Variants in GARIN5B observed in about 807,000 individuals in gnomAD.
GARIN5B encodes the protein golgi associated RAB2 interactor family member 5B.
the GARIN5B span, chr19:55,362,595 G>T: frequency 6.5e-7 from 1 of 1,544,586 alleles, no homozygotes; most frequent in Non-Finnish European, 8.7e-7. Context: ...GCACGAGGCC[G>T]GAGCAGTCCC....
chr19:55,361,551 T>A, the GARIN5B span: 10 of 1,100,992 alleles, frequency 9.1e-6, no homozygotes, highest in Non-Finnish European at 6.2e-6. Context: ...TCCTCCTGCC[T>A]CAGACCCAGG....
At chr19:55,358,184 T>C in the GARIN5B span, 1 of 1,527,634 alleles carries the variant, frequency 6.5e-7, no homozygotes, top group African/African-American at 1.4e-5. Context: ...CTCCTGTATC[T>C]CCTCTGCCTT....
the GARIN5B span, chr19:55,359,119 T>C: frequency 5.6e-4 from 865 of 1,551,272 alleles, 19 homozygotes; most frequent in South Asian, 8.8e-3. Flanking sequence ...CCGGTTTCCC[T>C]CCAGACTGGC....
At chr19:55,357,124 C>G in the GARIN5B span, among the ~76,000 whole-genome samples, 4 of 152,180 alleles carry the variant, frequency 2.6e-5, no homozygotes, top group Non-Finnish European at 5.9e-5. Context: ...TTCCTCCACA[C>G]TAGACCCCTG....
chr19:55,361,393 C>T, the GARIN5B span: 1 of 1,531,700 alleles, frequency 6.5e-7, no homozygotes, highest in Non-Finnish European at 8.8e-7. Context: ...TCCTGACAAA[C>T]AGCAGGGCCT....
At chr19:55,362,580 G>A in the GARIN5B span, 1 of 1,540,028 alleles carries the variant, frequency 6.5e-7, no homozygotes, top group Non-Finnish European at 8.8e-7. Flanking sequence ...TGCGGCACCT[G>A]GTCAGCACGA....
chr19:55,358,904 G>T, the GARIN5B span: 2 of 1,550,846 alleles, frequency 1.3e-6, no homozygotes, highest in Non-Finnish European at 1.7e-6. Context: ...CAGGTCCGGG[G>T]ACCTCTCTTC....
the GARIN5B span, chr19:55,359,862 C>T: frequency 1.5e-5 from 23 of 1,551,512 alleles, no homozygotes; most frequent in Non-Finnish European, 2.0e-5. Context: ...AGGCACGGGT[C>T]CAGGGAGCTG....
chr19:55,363,181 C>T, the GARIN5B span: 74 of 1,115,564 alleles, frequency 6.6e-5, no homozygotes, highest in Admixed American at 2.6e-4. The surrounding 1 kb of genome is among the most constrained non-coding windows in gnomAD (Gnocchi z 4.0). Context: ...TGGAGCTCAG[C>T]GTTACAGAGC....
chr19:55,362,172 G>A, the GARIN5B span: 9 of 1,437,304 alleles, frequency 6.3e-6, no homozygotes, highest in Non-Finnish European at 8.2e-6. Context: ...GCTCTTGGTC[G>A]CAGTCCCCTC....
At chr19:55,363,164 G>A in the GARIN5B span, 423 of 1,277,352 alleles carry the variant, frequency 3.3e-4, no homozygotes, top group African/African-American at 5.6e-3. The surrounding 1 kb of genome is among the most constrained non-coding windows in gnomAD (Gnocchi z 4.0). Flanking sequence ...GGGGCTTCAC[G>A]GGTGCCTGGA....
the GARIN5B span, chr19:55,363,114 G>C: frequency 7.0e-7 from 1 of 1,429,458 alleles, no homozygotes; most frequent in Non-Finnish European, 9.2e-7. The surrounding 1 kb of genome is among the most constrained non-coding windows in gnomAD (Gnocchi z 4.0). Flanking sequence ...GAACCCAGGC[G>C]TGCAGGCCTC....
chr19:55,359,661 GGGCCTTCTGGCAGGGT>G, the GARIN5B span: 2 of 1,551,502 alleles, frequency 1.3e-6, no homozygotes, highest in African/African-American at 2.7e-5. Context: ...AGGCCAGATG[GGGCCTTCTGGCAGGGT>G]GGTGGCCCCG....
At chr19:55,362,105 G>A in the GARIN5B span, 2 of 1,210,094 alleles carry the variant, frequency 1.7e-6, no homozygotes, top group South Asian at 3.4e-5. Context: ...CAGGGGTCCA[G>A]GCCCCCAGCC....
the GARIN5B span, chr19:55,361,194 G>C: frequency 5.2e-6 from 8 of 1,551,224 alleles, no homozygotes; most frequent in African/African-American, 1.4e-5. Flanking sequence ...CTCTGTCTCT[G>C]AGCAGCCACC....
the GARIN5B span, among the ~76,000 whole-genome samples, chr19:55,357,359 T>G: frequency 6.6e-6 from 1 of 152,094 alleles, no homozygotes; most frequent in Non-Finnish European, 1.5e-5. Flanking sequence ...TCCCTAAAAT[T>G]GTCTGCAAAG....
At chr19:55,360,351 C>T in the GARIN5B span, among the ~76,000 whole-genome samples, 1 of 148,582 alleles carries the variant, frequency 6.7e-6, no homozygotes, top group Non-Finnish European at 1.5e-5. Flanking sequence ...CCCCCAGCCC[C>T]TCCTCCCTCA....
At chr19:55,360,835 G>A in the GARIN5B span, 1 of 1,549,900 alleles carries the variant, frequency 6.5e-7, no homozygotes, top group East Asian at 2.4e-5. Context: ...GGCAAGGGGT[G>A]GGGTGGGTTG....
the GARIN5B span, chr19:55,361,380 A>T: frequency 6.5e-7 from 1 of 1,535,084 alleles, no homozygotes; most frequent in East Asian, 2.5e-5. Flanking sequence ...GAGAACCCAG[A>T]GGTCCTGACA....
Sources: allele counts gnomAD v4.1 joint callset (sites outside exome capture counted in the v4.1 genomes callset), GRCh38; gene constraint gnomAD v4.1.1; non-coding constraint Gnocchi (gnomAD v3.1); transcripts MANE v1.5; gene names NCBI Gene and HGNC (gene_info 2026-07-23, HGNC 2026-07-21).